Variants in ARL10 observed in about 807,000 individuals in gnomAD.
The protein encoded by ARL10 is ADP-ribosylation factor-like protein 10.
ARL10 carries 23 observed loss-of-function variants against 26.1 expected under a neutral mutation model. That is an observed-to-expected ratio of 0.88 (90% CI 0.63 to 1.25). The LOEUF (loss-of-function observed/expected upper bound fraction) is 1.25. Ranked by LOEUF, ARL10 falls within the 50% of genes most tolerant of loss-of-function variation. The probability of loss-of-function intolerance (pLI) is 0.00; values close to 1 mark genes in which losing one functional copy is unlikely to be tolerated. For synonymous variants in ARL10, 138 were observed against 149.1 expected, an observed-to-expected ratio of 0.93 and a Z score of 0.54; for missense variants, 300 against 323.6, an observed-to-expected ratio of 0.93 and a Z score of 0.56.
downstream of ARL10, chr5:176,393,056 C>A: frequency 1.6e-6 from 2 of 1,225,108 alleles, no homozygotes; most frequent in South Asian, 2.6e-5. The surrounding 1 kb of genome is among the most constrained non-coding windows in gnomAD (Gnocchi z 4.4). Flanking sequence ...CCTCCCCAGC[C>A]TTGTGCCCCC....
chr5:176,368,561 C>A lies in ARL10; in HGVS notation c.386-246C>A, dbSNP rs573549581. Reference sequence around the variant, plus strand: ...AGCTAGGGACTTGCCCCAAGAGACCCGCCTATCAGAGCTAGAGCTAAATCC... The same window carrying A: ...AGCTAGGGACTTGCCCCAAGAGACCAGCCTATCAGAGCTAGAGCTAAATCC... On this transcript the variant is annotated intron_variant, in intron 2 of 3. Coordinates refer to ENST00000310389, the MANE Select transcript of ARL10 (RefSeq NM_173664.6). The surrounding 1 kb of genome is among the most constrained non-coding windows in gnomAD (Gnocchi z 4.1). Among the ~76,000 whole-genome samples the A allele has an allele frequency of 6.6e-6, 1 of 152,132 alleles. No individual in the cohort carries two copies. Among genetic ancestry groups the A allele is most frequent in the African/African-American group, 2.4e-5 (1 of 41,402 alleles).
downstream of ARL10, chr5:176,385,317 T>C (rs1278294120): frequency 6.2e-7 from 1 of 1,600,156 alleles, no homozygotes; most frequent in South Asian, 1.1e-5. Flanking sequence ...GGCTGGCTTC[T>C]GCCTCCAGGT....
At chr5:176,412,045 A>G in the ARL10 span, among the ~76,000 whole-genome samples, 2,529 of 152,002 alleles carry the variant, frequency 0.017, 65 homozygotes, top group African/African-American at 0.048. Context: ...GCGTGGTGGC[A>G]GGCGCCTGTA....
downstream of ARL10, chr5:176,406,118 ACAGTGTCACGGGC>A (rs1757109976): frequency 1.0e-6 from 1 of 981,558 alleles, no homozygotes; most frequent in East Asian, 1.1e-4. Context: ...CTTGCCAGTG[ACAGTGTCACGGGC>A]CACAACTGGG....
At chr5:176,397,681 C>T in intron 1 of ARL10, 1 of 1,613,716 alleles carries the variant, frequency 6.2e-7, no homozygotes, top group Non-Finnish European at 8.5e-7. Flanking sequence ...TCTTGGCCTT[C>T]TCCCGCCATT....
In ARL10 at chr5:176,366,564, A is replaced by G. The variant is rs1314249122; in HGVS notation, c.368A>G (p.Glu123Gly). 1.2e-6 allele frequency: 2 copies of G among 1,613,964 alleles called. No individual in the cohort carries two copies. The highest frequency in any genetic ancestry group is 2.7e-5 in the African/African-American group (2 of 74,924). ...GTGCGTCTGCCCACCAAGGACTTTG[A>G]GGTGGACCTGCTAGAAAGTGAGCGG... ...NSVRLPTKDF[E>G]VDLLEIGGSQ... The change falls in exon 2 of 4, where the codon GAG becomes GGG. Residue 123 changes from glutamate (E) to glycine (G), a missense_variant. Physicochemically the swap from Glu to Gly is moderately conservative, Grantham distance 98. Transcript: ENST00000310389.
chr5:176,407,083 A>G, the ARL10 span, among the ~76,000 whole-genome samples: 1 of 152,198 alleles, frequency 6.6e-6, no homozygotes. Context: ...CAGTGAGAAT[A>G]AGAGTTCTCA....
At chr5:176,384,413 G>A (rs1755666817), downstream of ARL10, 2 of 1,579,340 alleles carry the variant, frequency 1.3e-6, no homozygotes, top group African/African-American at 1.4e-5. Flanking sequence ...GGCTAGACAG[G>A]CAAAGGCTCA....
At chr5:176,371,315 G>A (rs1051734412) in intron 3 of ARL10, among the ~76,000 whole-genome samples, 6 of 152,234 alleles carry the variant, frequency 3.9e-5, no homozygotes, top group Admixed American at 2.0e-4. Context: ...CACAGGAGGT[G>A]GAGGTTGCAG....
At chr5:176,406,920 C>T in the ARL10 span, among the ~76,000 whole-genome samples, 6 of 152,298 alleles carry the variant, frequency 3.9e-5, no homozygotes, top group African/African-American at 1.2e-4. Context: ...CACACCGGGT[C>T]GGAGCCCAGG....
intron 1 of ARL10, chr5:176,397,704 C>G: frequency 3.7e-6 from 6 of 1,613,974 alleles, no homozygotes; most frequent in Non-Finnish European, 5.1e-6. Context: ...TGTTCCGTGA[C>G]CTTAGATGCA....
intron 3 of ARL10, chr5:176,369,319 A>G (rs1768450026): frequency 2.4e-6 from 2 of 823,794 alleles, no homozygotes; most frequent in Non-Finnish European, 1.7e-6. Flanking sequence ...TGCAACCTCC[A>G]CCTCCCGGGT....
At chr5:176,409,685 A>C in the ARL10 span, among the ~76,000 whole-genome samples, 1 of 152,078 alleles carries the variant, frequency 6.6e-6, no homozygotes, top group Non-Finnish European at 1.5e-5. Context: ...AAGTGCTGGG[A>C]TTACAGGCGT....
intron 1 of ARL10, among the ~76,000 whole-genome samples, chr5:176,400,116 G>A (rs559037171): frequency 2.0e-5 from 3 of 151,504 alleles, no homozygotes; most frequent in East Asian, 1.9e-4. Flanking sequence ...ACTTGAATCC[G>A]GGGCGGGGCA....
chr5:176,384,199 C>T (rs765565241), downstream of ARL10: 2 of 1,614,150 alleles, frequency 1.2e-6, no homozygotes, highest in Admixed American at 3.3e-5. Context: ...CCGGGGGACG[C>T]CTCAGCCTGG....
At chr5:176,388,448 G>T in exon 2 of ARL10, 1 of 1,614,154 alleles carries the variant, frequency 6.2e-7, no homozygotes, top group Non-Finnish European at 8.5e-7. Context: ...GATCCGCGGC[G>T]CTGCCTTCCG....
chr5:176,384,209 G>C (rs566112631), downstream of ARL10: 1 of 1,614,092 alleles, frequency 6.2e-7, no homozygotes, highest in South Asian at 1.1e-5. Context: ...CCTCAGCCTG[G>C]GGCAGCTGTG....
At chr5:176,369,930 G>C (rs1216698968) in intron 3 of ARL10, among the ~76,000 whole-genome samples, 1 of 147,518 alleles carries the variant, frequency 6.8e-6, no homozygotes, top group Non-Finnish European at 1.5e-5. Flanking sequence ...CTGCACTCCA[G>C]CCTGGGTGAC....
chr5:176,390,337 C>T (rs1240846024), downstream of ARL10, among the ~76,000 whole-genome samples: 1 of 151,994 alleles, frequency 6.6e-6, no homozygotes, highest in African/African-American at 2.4e-5. Flanking sequence ...CTCCCATAGT[C>T]GGGTCAGAGG....
Sources: allele counts gnomAD v4.1 joint callset (sites outside exome capture counted in the v4.1 genomes callset), GRCh38; gene constraint gnomAD v4.1.1; non-coding constraint Gnocchi (gnomAD v3.1); transcripts MANE v1.5; gene names NCBI Gene and HGNC (gene_info 2026-07-23, HGNC 2026-07-21).